The following NEDD4L variants were observed in gnomAD, a reference collection of about 807,000 sequenced individuals.
NEDD4L encodes the protein E3 ubiquitin-protein ligase NEDD4-like.
In NEDD4L, 54 loss-of-function variants were observed where a neutral mutation model predicts 148.9. The ratio of observed to expected loss-of-function variants is 0.36; its 90% confidence interval spans 0.29 to 0.45. The LOEUF (loss-of-function observed/expected upper bound fraction) is 0.45, where lower values mean the gene tolerates loss of function less well. Ranked by LOEUF, NEDD4L falls within the 20% of genes least tolerant of loss-of-function variation. NEDD4L has a pLI of 1.00. For synonymous variants in NEDD4L, 433 were observed against 440.7 expected, an observed-to-expected ratio of 0.98 and a Z score of 0.22; for missense variants, 856 against 1,233.8, an observed-to-expected ratio of 0.69 and a Z score of 4.59.
chr18:58,099,309 C>T (rs1322732842), intron 1 of NEDD4L, among the ~76,000 whole-genome samples: 1 of 152,160 alleles, frequency 6.6e-6, no homozygotes, highest in Non-Finnish European at 1.5e-5. Context: ...AAGCAGGCTT[C>T]CTCAAGGCCT....
chr18:58,140,616 T>C (rs962584783), intron 1 of NEDD4L, among the ~76,000 whole-genome samples: 6 of 152,232 alleles, frequency 3.9e-5, no homozygotes, highest in African/African-American at 7.2e-5. Context: ...GTTGCTTCCT[T>C]TATAGTAATG....
intron 1 of NEDD4L, among the ~76,000 whole-genome samples, chr18:58,164,513 C>G (rs1041038058): frequency 6.6e-6 from 1 of 152,154 alleles, no homozygotes; most frequent in Non-Finnish European, 1.5e-5. Flanking sequence ...GTACTGTCAC[C>G]CAGGCTGGAG....
intron 2 of NEDD4L, chr18:58,190,079 G>A (rs1009934635): frequency 2.6e-5 from 4 of 152,212 alleles, no homozygotes; most frequent in African/African-American, 9.6e-5. Context: ...TTATGTTAGG[G>A]TGGTAGGAGT....
In NEDD4L at chr18:58,325,047, G is replaced by C. The variant is rs1225069951; in HGVS notation, c.565G>C (p.Glu189Gln). Residue 189 changes from glutamate to glutamine, a missense_variant, in exon 9 of 31, where the codon GAA becomes CAA. Coordinates refer to ENST00000400345, the MANE Select transcript of NEDD4L (RefSeq NM_001144967.3). ...SNDSASQHQE[E>Q]LPPPPLPPGW... Reference sequence around the variant, plus strand: ...TGACTCGGCTTCTCAGCACCAAGAGGAACTTCCTCCTCCTCCTCTGCCTCC... The same window carrying C: ...TGACTCGGCTTCTCAGCACCAAGAGCAACTTCCTCCTCCTCCTCTGCCTCC... 9.9e-6 allele frequency: 16 copies of C among 1,613,880 alleles called. No homozygotes were observed. The highest frequency in any genetic ancestry group is 1.3e-5 in the Non-Finnish European group (15 of 1,179,880).
intron 22 of NEDD4L, among the ~76,000 whole-genome samples, chr18:58,370,016 C>T (rs1164187611): frequency 6.6e-6 from 1 of 152,212 alleles, no homozygotes; most frequent in African/African-American, 2.4e-5. Context: ...ACTGCCGGCC[C>T]CTTCTCTGGC....
At chr18:58,285,853 T>C (rs2053831055) in intron 5 of NEDD4L, among the ~76,000 whole-genome samples, 1 of 152,262 alleles carries the variant, frequency 6.6e-6, no homozygotes, top group Non-Finnish European at 1.5e-5. Context: ...ATTCTTCAAC[T>C]CTTTACCCTA....
At chr18:58,129,936 C>T (rs1278746947) in intron 1 of NEDD4L, among the ~76,000 whole-genome samples, 43 of 118,724 alleles carry the variant, frequency 3.6e-4, no homozygotes, top group East Asian at 1.0e-3. Flanking sequence ...GGAACTGTGG[C>T]GGTGTTGGGC....
intron 1 of NEDD4L, among the ~76,000 whole-genome samples, chr18:58,049,747 C>G (rs1293273696): frequency 6.6e-6 from 1 of 152,076 alleles, no homozygotes; most frequent in Non-Finnish European, 1.5e-5. Flanking sequence ...GAGGCCGAGG[C>G]AGGAGAATCA....
intron 1 of NEDD4L, among the ~76,000 whole-genome samples, chr18:58,102,694 G>A (rs553727464): frequency 6.6e-6 from 1 of 152,232 alleles, no homozygotes; most frequent in African/African-American, 2.4e-5. Context: ...TAGCACTTGT[G>A]TTGTATTAGG....
chr18:58,188,517 G>A (rs891071703), intron 2 of NEDD4L, among the ~76,000 whole-genome samples: 1 of 152,242 alleles, frequency 6.6e-6, no homozygotes, highest in African/African-American at 2.4e-5. Flanking sequence ...GACATGGGGA[G>A]GCAGGACTAG....
Position 58,335,488 on chromosome 18 carries a change from C to T in NEDD4L, c.1076C>T (p.Pro359Leu), listed in dbSNP as rs2041621067. Residue 359 changes from proline to leucine, a missense_variant, in exon 13 of 31, where the codon CCA becomes CTA. Around this residue, in one of 4 missense-constraint regions of NEDD4L, gnomAD observed 367 missense variants for 422.7 expected, o/e 0.87. Transcript: ENST00000400345. The part of the protein sequence containing the change: ...EQGHLPPPSA[P>L]AGRARSSTVT... Reference sequence around the variant, plus strand: ...AATTATCATTCACAGCCCAGTGCCCCAGCTGGGAGAGCGCGTTCATCAACT... The same window carrying T: ...AATTATCATTCACAGCCCAGTGCCCTAGCTGGGAGAGCGCGTTCATCAACT... The T allele has an allele frequency of 1.2e-6, 2 of 1,613,356 alleles. No individual in the cohort carries two copies. The highest frequency in any genetic ancestry group is 1.6e-4 in the Middle Eastern group (1 of 6,076).
At chr18:58,314,283 G>A (rs1424671560) in intron 5 of NEDD4L, among the ~76,000 whole-genome samples, 1 of 152,092 alleles carries the variant, frequency 6.6e-6, no homozygotes, top group Non-Finnish European at 1.5e-5. Flanking sequence ...TGGGCGTGGT[G>A]GTGTGTGCCT....
chr18:58,123,480 C>T (rs2030384858), intron 1 of NEDD4L, among the ~76,000 whole-genome samples: 1 of 152,176 alleles, frequency 6.6e-6, no homozygotes, highest in Non-Finnish European at 1.5e-5. Flanking sequence ...CTCATGGTCC[C>T]TTCCTGTAAA....
rs764223093 is a variant in NEDD4L, at chr18:58,329,007, G to A, written c.693G>A (p.Ser231=). Residue 231 remains serine, a synonymous_variant, in exon 10 of 31, where the codon TCG becomes TCA. Coordinates refer to ENST00000400345, the MANE Select transcript of NEDD4L (RefSeq NM_001144967.3). The stretch of plus-strand genomic sequence containing the variant: ...CCTGCATGCTCAGGGACGTGTCCTC[G>A]GAGTCGGACAATAACATCAGACAGA... The part of the protein sequence containing the change: ...WHRPSLMDVS[S]ESDNNIRQIN... 7 of 1,613,842 alleles carry A rather than the reference G, an allele frequency of 4.3e-6. No homozygotes were observed. The Admixed American group carries it at 5.0e-5, about 12-fold the overall frequency.
At chr18:58,333,085 TGA>T (rs1185497165) in intron 11 of NEDD4L, among the ~76,000 whole-genome samples, 1 of 152,052 alleles carries the variant, frequency 6.6e-6, no homozygotes, top group Non-Finnish European at 1.5e-5. Flanking sequence ...GAGACCAGCC[TGA>T]CCAATATGGT....
At chr18:58,325,877 C>A (rs2059267469) in intron 9 of NEDD4L, among the ~76,000 whole-genome samples, 1 of 152,052 alleles carries the variant, frequency 6.6e-6, no homozygotes, top group Non-Finnish European at 1.5e-5. Context: ...AGATCTAAGT[C>A]TATTGATAAT....
At chr18:58,157,493 T>C (rs771850306) in intron 1 of NEDD4L, among the ~76,000 whole-genome samples, 1 of 152,200 alleles carries the variant, frequency 6.6e-6, no homozygotes, top group Non-Finnish European at 1.5e-5. Flanking sequence ...TTCTATCTTA[T>C]GGAAAGTTAT....
intron 24 of NEDD4L, among the ~76,000 whole-genome samples, chr18:58,379,377 AG>A (rs1476452414): frequency 6.6e-6 from 1 of 152,204 alleles, no homozygotes; most frequent in Admixed American, 6.5e-5. Context: ...TCTCCCACTT[AG>A]GGTTGACACT....
At chr18:58,263,590 A>G (rs2049770068) in intron 5 of NEDD4L, among the ~76,000 whole-genome samples, 1 of 150,166 alleles carries the variant, frequency 6.7e-6, no homozygotes, top group Non-Finnish European at 1.5e-5. Context: ...ACATTTAATG[A>G]CTCACACATG....
Sources: gnomAD v4.1 joint callset for allele counts (sites outside exome capture counted in the v4.1 genomes callset) on GRCh38, gnomAD v4.1.1 for gene constraint, gnomAD v4.1.1 regional missense constraint, MANE v1.5 for transcripts, NCBI Gene and HGNC (gene_info 2026-07-23, HGNC 2026-07-21) for gene names.